DOK6: variants seen among roughly 807,000 people sequenced by gnomAD.
The protein encoded by DOK6 is downstream of tyrosine kinase 6.
A neutral mutation model predicts 44.0 loss-of-function variants in DOK6; 22 were observed. That is an observed-to-expected ratio of 0.50 (90% CI 0.36 to 0.71). The LOEUF (loss-of-function observed/expected upper bound fraction) is 0.71. Ranked by LOEUF, DOK6 falls within the 30% of genes least tolerant of loss-of-function variation. The pLI is 0.00. For synonymous variants in DOK6, 166 were observed against 145.5 expected, an observed-to-expected ratio of 1.14 and a Z score of -1.01; for missense variants, 340 against 416.4, an observed-to-expected ratio of 0.82 and a Z score of 1.60.
rs570138984 is a variant in DOK6 at position 69,667,852 on chromosome 18, A to G, written c.290-9882A>G. Among the ~76,000 whole-genome samples, 22 of 152,278 alleles carry G rather than the reference A, an allele frequency of 1.4e-4. No homozygotes were observed. In the South Asian group the frequency reaches 4.6e-3, roughly 32 times the overall value. ...CATTTAGTTCCGTGACTTTAAAAGG[A>G]ATCAATATACTGTTGACTCCCACAT... is the stretch of plus-strand genomic sequence containing the variant. On this transcript the variant is annotated intron_variant, in intron 3 of 7. Transcript: ENST00000382713.
intron 6 of DOK6, among the ~76,000 whole-genome samples, chr18:69,749,955 A>T (rs982902898): frequency 6.7e-6 from 1 of 148,878 alleles, no homozygotes; most frequent in African/African-American, 2.5e-5. Flanking sequence ...AAAAAAAAAA[A>T]GTTCTGGGTC....
At position 69,467,812 on chromosome 18, in the gene DOK6, T is replaced by C. The variant is rs564349179; in HGVS notation, c.66+66502T>C. 6.6e-5 allele frequency among the ~76,000 whole-genome samples: 10 copies of C among 152,270 alleles called. No homozygotes were observed. The South Asian group carries it at 2.1e-3, about 32-fold the overall frequency. Reference sequence around the variant, plus strand: ...TCATTTATTACTATGAAGTATGCATTAGCTGTTAGTCTTGCTATTTACAAT... The same window carrying C: ...TCATTTATTACTATGAAGTATGCATCAGCTGTTAGTCTTGCTATTTACAAT... On this transcript the variant is annotated intron_variant, in intron 1 of 7. Coordinates refer to ENST00000382713, the MANE Select transcript of DOK6 (RefSeq NM_152721.6).
intron 7 of DOK6, among the ~76,000 whole-genome samples, chr18:69,782,506 C>A (rs971406471): frequency 6.6e-6 from 1 of 152,008 alleles, no homozygotes; most frequent in Admixed American, 6.6e-5. Flanking sequence ...CCACCGCACT[C>A]GGCCGTGTTC....
chr18:69,682,471 T>A (rs1178624094), intron 4 of DOK6, among the ~76,000 whole-genome samples: 1 of 152,216 alleles, frequency 6.6e-6, no homozygotes, highest in Non-Finnish European at 1.5e-5. Context: ...CCAGTGTCTA[T>A]TTCATCTGTC....
chr18:69,702,368 C>T (rs920505924), intron 5 of DOK6, among the ~76,000 whole-genome samples: 14 of 152,270 alleles, frequency 9.2e-5, no homozygotes, highest in African/African-American at 3.1e-4. Flanking sequence ...GGTCCTAAAA[C>T]ATTTCTTGAC....
Position 69,602,390 on chromosome 18 carries a change from C to T in DOK6, c.289+2892C>T, listed in dbSNP as rs28510612. ...CAATGAAGGGACATTCTACAAATAC[C>T]TGCCCAGTATTCCTCAAAACTTTCA... On this transcript the variant is annotated intron_variant, in intron 3 of 7. Transcript: ENST00000382713. 4.6e-3 allele frequency among the ~76,000 whole-genome samples: 695 copies of T among 152,308 alleles called. 3 individuals are homozygous for T. Among genetic ancestry groups the T allele is most frequent in the African/African-American group, 0.016 (660 of 41,560 alleles).
At chr18:69,572,587 G>A (rs954511149) in intron 2 of DOK6, among the ~76,000 whole-genome samples, 6 of 152,062 alleles carry the variant, frequency 3.9e-5, no homozygotes, top group African/African-American at 1.4e-4. Context: ...ATGTCCTTGG[G>A]AAAGACAGAG....
intron 1 of DOK6, among the ~76,000 whole-genome samples, chr18:69,425,419 C>T (rs1421692208): frequency 1.3e-5 from 2 of 151,940 alleles, no homozygotes; most frequent in East Asian, 1.9e-4. Flanking sequence ...TTATTTATGG[C>T]GCTCTGCTTG....
In DOK6 at chr18:69,741,858, T is replaced by C. The variant is rs138544377; in HGVS notation, c.738+2755T>C. ...AAAGAGTGTTTAAATACTCTCTAAC[T>C]CTTCATTTACTATTTAAAATAACAA... is the stretch of plus-strand genomic sequence containing the variant. On this transcript the variant is annotated intron_variant, in intron 6 of 7. Coordinates refer to ENST00000382713, the MANE Select transcript of DOK6 (RefSeq NM_152721.6). Among the ~76,000 whole-genome samples the C allele has an allele frequency of 4.2e-3, 632 of 152,236 alleles. 7 individuals are homozygous for C. Among genetic ancestry groups the C allele is most frequent in the African/African-American group, 0.014 (598 of 41,518 alleles).
intron 3 of DOK6, among the ~76,000 whole-genome samples, chr18:69,617,098 A>AAT (rs958148488): frequency 6.6e-6 from 1 of 152,046 alleles, no homozygotes; most frequent in African/African-American, 2.4e-5. Flanking sequence ...TTGTTAAAAA[A>AAT]AAAATTCACT....
intron 7 of DOK6, among the ~76,000 whole-genome samples, chr18:69,791,484 C>T (rs9947304): frequency 0.48 from 73,216 of 152,036 alleles, 18,191 homozygotes; most frequent in African/African-American, 0.6. Flanking sequence ...TAGTTTTAAT[C>T]TGCATTTCTC....
chr18:69,439,625 A>G, intron 1 of DOK6, among the ~76,000 whole-genome samples: 1 of 152,196 alleles, frequency 6.6e-6, no homozygotes, highest in East Asian at 1.9e-4. Context: ...TCTTTCCTCA[A>G]ACCTCATGAA....
At chr18:69,405,837 A>C (rs1243907528) in intron 1 of DOK6, among the ~76,000 whole-genome samples, 2 of 152,212 alleles carry the variant, frequency 1.3e-5, no homozygotes, top group African/African-American at 4.8e-5. Context: ...TAAAAATTCT[A>C]AAGGAATTTC....
intron 6 of DOK6, among the ~76,000 whole-genome samples, chr18:69,741,759 A>C (rs868416035): frequency 2.6e-5 from 4 of 152,174 alleles, no homozygotes; most frequent in Admixed American, 1.3e-4. Context: ...GGTCTCCCAA[A>C]GTGCTAGGAA....
At chr18:69,798,419 C>T (rs1216853275) in intron 7 of DOK6, among the ~76,000 whole-genome samples, 1 of 152,006 alleles carries the variant, frequency 6.6e-6, no homozygotes, top group African/African-American at 2.4e-5. Context: ...ATTCATTAAG[C>T]TATCATTTAA....
intron 7 of DOK6, among the ~76,000 whole-genome samples, chr18:69,798,572 A>T (rs1387597862): frequency 6.6e-6 from 1 of 152,008 alleles, no homozygotes; most frequent in South Asian, 2.1e-4. Flanking sequence ...GCATTTGTGC[A>T]TTAGATCATG....
chr18:69,564,411 GATTA>G, intron 1 of DOK6, 72 bp from the exon 2 acceptor site: 1 of 1,263,864 alleles, frequency 7.9e-7, no homozygotes, highest in Non-Finnish European at 1.1e-6. Flanking sequence ...TTAAAAAATT[GATTA>G]ATTGAATCAA....
rs141097147 is a variant in DOK6 at position 69,446,051 on chromosome 18, CTAATTAAT to C, written c.66+44756_66+44763del. ...GTATTTATATTTCTTTTTTTATTTC[CTAATTAAT>C]TAATTAATTAATTATACTTTAAGTT... On this transcript the variant is annotated intron_variant, in intron 1 of 7. Transcript: ENST00000382713. Among the ~76,000 whole-genome samples, 157 of 151,212 alleles carry C rather than the reference CTAATTAAT, an allele frequency of 1.0e-3. No individual in the cohort carries two copies. In the South Asian group the frequency reaches 0.012, roughly 12 times the overall value.
At chr18:69,455,871 A>G (rs2122467111) in intron 1 of DOK6, among the ~76,000 whole-genome samples, 1 of 152,322 alleles carries the variant, frequency 6.6e-6, no homozygotes, top group Non-Finnish European at 1.5e-5. Flanking sequence ...ATCCATACAA[A>G]TAATGACAAC....
Sources: allele counts gnomAD v4.1 joint callset (sites outside exome capture counted in the v4.1 genomes callset), GRCh38; gene constraint gnomAD v4.1.1; transcripts MANE v1.5; gene names NCBI Gene and HGNC (gene_info 2026-07-23, HGNC 2026-07-21).